Variants in DISP3 observed in about 807,000 individuals in gnomAD.
DISP3 encodes protein dispatched homolog 3.
Under a neutral mutation model 135.3 loss-of-function variants are expected in DISP3, and 101 were observed. The ratio of observed to expected loss-of-function variants is 0.75; its 90% CI spans 0.64 to 0.88. The LOEUF is 0.88. DISP3 is among the 40% of genes least tolerant of loss of function. The pLI, the probability that DISP3 is intolerant of heterozygous loss-of-function variation, is 0.00. For missense variants in DISP3, 1,713 were observed against 1,878.6 expected, an observed-to-expected ratio of 0.91 and a Z score of 1.63; for synonymous variants, 856 against 817.0, an observed-to-expected ratio of 1.05 and a Z score of -0.81.
chr1:11,496,932 G>A (rs1313442527), intron 1 of DISP3, among the ~76,000 whole-genome samples: 1 of 152,238 alleles, frequency 6.6e-6, no homozygotes, highest in Non-Finnish European at 1.5e-5. Flanking sequence ...TGGTGGCTGG[G>A]CCAGGCCTGG....
At chr1:11,487,799 T>C (rs1641079447) in intron 1 of DISP3, among the ~76,000 whole-genome samples, 1 of 152,202 alleles carries the variant, frequency 6.6e-6, no homozygotes, top group African/African-American at 2.4e-5. Flanking sequence ...GGCTTCTGGC[T>C]GTGGCATGGA....
chr1:11,483,838 G>T lies in DISP3; in HGVS notation c.-4+4466G>T, dbSNP rs965147566. 6.6e-6 allele frequency among the ~76,000 whole-genome samples: 1 copy of T among 152,330 alleles called. No individual in the cohort carries two copies. The highest frequency in any genetic ancestry group is 2.1e-4 in the South Asian group (1 of 4,828). On this transcript the variant is annotated intron_variant, in intron 1 of 20. Coordinates refer to ENST00000294484, the MANE Select transcript of DISP3 (RefSeq NM_020780.2). The surrounding 1 kb of genome is among the most constrained non-coding windows in gnomAD (Gnocchi z 5.4). ...GAAAGACAACTTAACTCTGTAAGAG[G>T]TCAAGGATATGAGAAGCCTCTGCAG...
intron 3 of DISP3, among the ~76,000 whole-genome samples, chr1:11,504,796 C>A (rs1404110139): frequency 6.6e-6 from 1 of 152,190 alleles, no homozygotes; most frequent in African/African-American, 2.4e-5. Flanking sequence ...ACTTCCCAGC[C>A]TGCAGAACCA....
In DISP3 at chr1:11,520,991, C is replaced by A; in HGVS notation, c.2362+143C>A. ...ACTCCCCTCTGAGCCCCCATGTTCC[C>A]ACAGTTCATTCAACAGATGCCTGCT... is the stretch of plus-strand genomic sequence containing the variant. On this transcript the variant is annotated intron_variant, in intron 10 of 20. Coordinates refer to ENST00000294484, the MANE Select transcript of DISP3 (RefSeq NM_020780.2). This position sits in a 1 kb window ranked among gnomAD's most constrained non-coding sequence, Gnocchi z 4.8. 9.2e-7 allele frequency: 1 copy of A among 1,086,374 alleles called. No homozygotes were observed. The highest frequency in any genetic ancestry group is 1.3e-6 in the Non-Finnish European group (1 of 780,558). 67.3% of individuals were successfully genotyped at this position (1,086,374 alleles called of 1,614,324 possible).
chr1:11,482,136 C>T lies in DISP3; in HGVS notation c.-4+2764C>T, dbSNP rs188657100. Among the ~76,000 whole-genome samples the T allele has an allele frequency of 8.8e-4, 134 of 152,290 alleles. 1 individual carries two copies. The highest frequency in any genetic ancestry group is 8.5e-4 in the Non-Finnish European group (58 of 68,028). On this transcript the variant is annotated intron_variant, in intron 1 of 20. Transcript: ENST00000294484. Reference sequence around the variant, plus strand: ...TATAGACATACTTCCCTCGTCTCCCCATCCTCCCCATCCCCTATTCCCCTA... The same window carrying T: ...TATAGACATACTTCCCTCGTCTCCCTATCCTCCCCATCCCCTATTCCCCTA...
chr1:11,500,543 CCT>C (rs1641475111), intron 1 of DISP3, among the ~76,000 whole-genome samples: 1 of 152,132 alleles, frequency 6.6e-6, no homozygotes. Context: ...TCCCTTGCAC[CCT>C]GATACTTCCT....
In DISP3 at chr1:11,535,560, C is replaced by T. The variant is rs534969381; in HGVS notation, c.3732C>T (p.Leu1244=). The T allele has an allele frequency of 1.5e-5, 25 of 1,613,434 alleles. No individual in the cohort carries two copies. The highest frequency in any genetic ancestry group is 8.9e-5 in the East Asian group (4 of 44,874). The change falls in exon 20 of 21, where the codon CTC becomes CTT. Residue 1244 remains leucine (L), a synonymous_variant. Coordinates refer to ENST00000294484, the MANE Select transcript of DISP3 (RefSeq NM_020780.2). ...TGGAAGCCATCTCCCTGTCCATCCT[C>T]GTTGGCTCCTCCGTGGATTACTGCG... ...GAVEAISLSI[L]VGSSVDYCVH... is the part of the protein sequence containing the mutation.
At chr1:11,496,734 G>A (rs561557818) in intron 1 of DISP3, among the ~76,000 whole-genome samples, 2 of 152,346 alleles carry the variant, frequency 1.3e-5, no homozygotes, top group African/African-American at 2.4e-5. Context: ...AGTTTGGTGC[G>A]AGGGACTCTC....
At chr1:11,487,379 G>C (rs1213856167) in intron 1 of DISP3, among the ~76,000 whole-genome samples, 1 of 152,222 alleles carries the variant, frequency 6.6e-6, no homozygotes, top group Non-Finnish European at 1.5e-5. Context: ...GCTGAGCCCA[G>C]CTCTGGGGTA....
rs373164442 is a variant in DISP3 at position 11,516,205 on chromosome 1, C to T, written c.1749+44C>T. On this transcript the variant is annotated intron_variant, in intron 6 of 20. Coordinates refer to ENST00000294484, the MANE Select transcript of DISP3 (RefSeq NM_020780.2). The surrounding 1 kb of genome is among the most constrained non-coding windows in gnomAD (Gnocchi z 5.1). ...TTCCTGTCCTGGCCTCCCACACGCT[C>T]ATGCATACCTAGCCGCTGGTCTCTG... 2.5e-6 allele frequency: 4 copies of T among 1,594,842 alleles called. No homozygotes were observed. Among genetic ancestry groups the T allele is most frequent in the Non-Finnish European group, 3.4e-6 (4 of 1,167,696 alleles).
intron 11 of DISP3, among the ~76,000 whole-genome samples, chr1:11,524,389 G>A (rs1316606509): frequency 3.9e-5 from 6 of 152,120 alleles, no homozygotes; most frequent in African/African-American, 2.4e-5. Context: ...GGTGGGTGCT[G>A]GGTCAAGTGT....
rs1221608233 is a variant in DISP3, at chr1:11,516,670, G to T, written c.1749+509G>T. 1.3e-5 allele frequency among the ~76,000 whole-genome samples: 2 copies of T among 152,186 alleles called. No homozygotes were observed. The highest frequency in any genetic ancestry group is 4.8e-5 in the African/African-American group (2 of 41,438). On this transcript the variant is annotated intron_variant, in intron 6 of 20. Transcript: ENST00000294484. This position sits in a 1 kb window ranked among gnomAD's most constrained non-coding sequence, Gnocchi z 5.1. ...GCCTCTGAGTGGGGCTTAGGAGAAG[G>T]CATTGAGCCCAGGCTGGGTCCTTGG...
At chr1:11,522,849 GCCCAGCCAGGA>G (rs796464954) in intron 10 of DISP3, among the ~76,000 whole-genome samples, 2,166 of 16,994 alleles carry the variant, frequency 0.13, 28 homozygotes, top group African/African-American at 0.25. Flanking sequence ...CCCAGCCAGA[GCCCAGCCAGGA>G]CCCAGCCAGA....
chr1:11,522,750 A>ACCCAGCCAGGACCCAGCCAGGG (rs1642263450), intron 10 of DISP3, among the ~76,000 whole-genome samples: 1 of 25,250 alleles, frequency 4.0e-5, no homozygotes. Context: ...CCCAGCCAGG[A>ACCCAGCCAGGACCCAGCCAGGG]CCCAGCCAGG....
In DISP3 at chr1:11,529,160, G is replaced by GT. The variant is rs1642506393; in HGVS notation, c.2799-394dup. ...ATCTAGAGACTCCCTAACTGTTGGG[G>GT]TTGAGGCAAGGCTGGGGGCTTCTGA... On this transcript the variant is annotated intron_variant, in intron 13 of 20. Transcript: ENST00000294484. The surrounding 1 kb of genome is among the most constrained non-coding windows in gnomAD (Gnocchi z 4.7). Among the ~76,000 whole-genome samples, 1 of 152,182 alleles carries GT rather than the reference G, an allele frequency of 6.6e-6. No individual in the cohort carries two copies. The highest frequency in any genetic ancestry group is 6.5e-5 in the Admixed American group (1 of 15,286).
At chr1:11,486,008 T>C (rs573516467) in intron 1 of DISP3, among the ~76,000 whole-genome samples, 3 of 152,312 alleles carry the variant, frequency 2.0e-5, no homozygotes, top group East Asian at 3.9e-4. Flanking sequence ...TAATTGTGCA[T>C]AGGGACTCGG....
At chr1:11,514,558 C>G in intron 4 of DISP3, 32 bp downstream of exon 4, 1 of 1,606,144 alleles carries the variant, frequency 6.2e-7, no homozygotes, top group Non-Finnish European at 8.5e-7. Context: ...CCCCCTCCTC[C>G]CCTCCCAGGG....
Position 11,529,836 on chromosome 1 carries a change from C to T in DISP3, c.2979C>T (p.Asn993=). 1 of 1,613,990 alleles carries T rather than the reference C, an allele frequency of 6.2e-7. No individual in the cohort carries two copies. Among genetic ancestry groups the T allele is most frequent in the African/African-American group, 1.3e-5 (1 of 75,068 alleles). Residue 993 remains asparagine, a synonymous_variant, in exon 15 of 21, where the codon AAC becomes AAT. Transcript: ENST00000294484. The surrounding 1 kb of genome is among the most constrained non-coding windows in gnomAD (Gnocchi z 4.7). ...CCTTCGGCTTCAACCCCTGCGTGAA[C>T]ACGGGCTGCGGGAAGCCGGCGGTGC... ...SATFGFNPCV[N]TGCGKPAVRP...
chr1:11,532,857 C>G (rs1553157507), intron 17 of DISP3, among the ~76,000 whole-genome samples: 1 of 152,132 alleles, frequency 6.6e-6, no homozygotes, highest in Non-Finnish European at 1.5e-5. Flanking sequence ...ACCATCACAC[C>G]TAGCTAATTT....
Sources: gnomAD v4.1 joint callset for allele counts (sites outside exome capture counted in the v4.1 genomes callset) on GRCh38, gnomAD v4.1.1 for gene constraint, Gnocchi (gnomAD v3.1) non-coding constraint, MANE v1.5 for transcripts, NCBI Gene and HGNC (gene_info 2026-07-23, HGNC 2026-07-21) for gene names.